Variants in ARAP1 observed in about 807,000 individuals in gnomAD.
The protein encoded by ARAP1 is arf-GAP with Rho-GAP domain, ANK repeat and PH domain-containing protein 1.
ARAP1 carries 76 observed loss-of-function variants against 172.2 expected under a neutral mutation model. That is an observed-to-expected ratio of 0.44 (90% CI 0.37 to 0.53). The LOEUF (loss-of-function observed/expected upper bound fraction) is 0.53, where lower values mean the gene tolerates loss of function less well. Ranked by LOEUF, ARAP1 falls within the 20% of genes least tolerant of loss-of-function variation. The pLI, the probability that ARAP1 is intolerant of heterozygous loss-of-function variation, is 0.00. For missense variants in ARAP1, 1,686 were observed against 1,977.5 expected, an observed-to-expected ratio of 0.85 and a Z score of 2.80; for synonymous variants, 804 against 803.3, an observed-to-expected ratio of 1.00 and a Z score of -0.01.
In ARAP1 at chr11:72,711,021, C is replaced by G. The variant is rs772062619; in HGVS notation, c.1213G>C (p.Val405Leu). ...ACACACAACACCCCACACTCCCCACCATCACTCTCTGCCCGGAAGGCAAAG... is the reference window on the plus strand; with the variant it reads ...ACACACAACACCCCACACTCCCCACGATCACTCTCTGCCCGGAAGGCAAAG... ...RTFAFRAESDVERKEWMQALQ... is the reference protein window; with the variant it reads ...RTFAFRAESDLERKEWMQALQ... Residue 405 changes from valine (V) to leucine (L), a missense_variant and splice_region_variant, in exon 9 of 35, where the codon GTG (valine) becomes CTG (leucine). Around this residue, in one of 5 missense-constraint regions of ARAP1, gnomAD observed 688 missense variants for 856.9 expected, o/e 0.80. Coordinates refer to ENST00000393609, the MANE Select transcript of ARAP1 (RefSeq NM_001040118.3). The G allele has an allele frequency of 9.9e-6, 16 of 1,614,220 alleles. No homozygotes were observed. Among genetic ancestry groups the G allele is most frequent in the Non-Finnish European group, 1.2e-5 (14 of 1,180,036 alleles).
In ARAP1 at chr11:72,711,449, C is replaced by T. The variant is rs34976830; in HGVS notation, c.1073G>A (p.Arg358Gln). Reference sequence around the variant, plus strand: ...CCTCACCTTGTTACTGTCAAAGTATCGCAGGTGATCAGTATCCAGTCTCAC... The same window carrying T: ...CCTCACCTTGTTACTGTCAAAGTATTGCAGGTGATCAGTATCCAGTCTCAC... The part of the protein sequence containing the change: ...RWVRLDTDHL[R>Q]YFDSNKDAYS... The change falls in exon 8 of 35, where the codon CGA (arginine) becomes CAA (glutamine). Residue 358 changes from arginine (R) to glutamine (Q), a missense_variant. Physicochemically the swap from Arg to Gln is conservative, Grantham distance 43. Around this residue, in one of 5 missense-constraint regions of ARAP1, gnomAD observed 688 missense variants for 856.9 expected, o/e 0.80. Transcript: ENST00000393609. The T allele has an allele frequency of 3.6e-3, 5,840 of 1,612,752 alleles. 169 individuals carry two copies. In the African/African-American group the frequency reaches 0.069, roughly 19 times the overall value.
At chr11:72,711,690 A>ATC (rs1237200051) in intron 7 of ARAP1, among the ~76,000 whole-genome samples, 191 bp from the exon 8 acceptor site, 15 of 90,004 alleles carry the variant, frequency 1.7e-4, no homozygotes, top group African/African-American at 6.7e-4. Flanking sequence ...AAAGTAGCAC[A>ATC]TCTCTTTTTT....
At position 72,726,796 on chromosome 11, in the gene ARAP1, G is replaced by C. The variant is rs1022763967; in HGVS notation, c.333C>G (p.Leu111=). The C allele has an allele frequency of 2.6e-6, 4 of 1,553,642 alleles. No homozygotes were observed. The African/African-American group carries it at 5.5e-5, about 21-fold the overall frequency. The change falls in exon 3 of 35, where the codon CTC becomes CTG. Residue 111 remains leucine (L), a synonymous_variant. Transcript: ENST00000393609. This position sits in a 1 kb window ranked among gnomAD's most constrained non-coding sequence, Gnocchi z 6.5. The part of the protein sequence containing the change: ...PLPTTTEDEG[L]PAAPPIPPRR... ...GGGGCGGGATGGGTGGGGCAGCGGG[G>C]AGCCCCTCATCCTCTGTAGTGGTGG...
chr11:72,711,318 C>A, intron 8 of ARAP1, 112 bp downstream of exon 8: 1 of 1,482,966 alleles, frequency 6.7e-7, no homozygotes, highest in South Asian at 1.2e-5. Context: ...GTTAAGGGGT[C>A]AGACTTAGAA....
chr11:72,704,468 G>T, intron 13 of ARAP1, 134 bp from the exon 14 acceptor site: 1 of 1,009,020 alleles, frequency 9.9e-7, no homozygotes, highest in Non-Finnish European at 1.4e-6. Context: ...CAATGGGGAA[G>T]GTGAGGACAG....
rs763939437 is a variant in ARAP1 at position 72,709,850 on chromosome 11, C to A, written c.1523+20G>T. 1.6e-5 allele frequency: 25 copies of A among 1,612,442 alleles called. No individual in the cohort carries two copies. In the Admixed American group the frequency reaches 2.3e-4, roughly 15 times the overall value. On this transcript the variant is annotated intron_variant, in intron 11 of 34. Coordinates refer to ENST00000393609, the MANE Select transcript of ARAP1 (RefSeq NM_001040118.3). ...AGGAAGGAGTGAGGATGCCGGTGAG[C>A]CAAGAAGATGGAGGGTCACCTGAAG...
rs763469997 is a variant in ARAP1, at chr11:72,707,231, G to A, written c.1667C>T (p.Pro556Leu). ...PNRFCADCGA[P>L]QPDWASINLC... ...GTTGATGGAGGCCCAGTCAGGCTGA[G>A]GAGCCCCGCAGTCAGCACAGAACCT... The change falls in exon 12 of 35, where the codon CCT becomes CTT. Residue 556 changes from proline to leucine, a missense_variant. Pro to Leu is a moderately conservative substitution (Grantham distance 98). Around this residue, in one of 5 missense-constraint regions of ARAP1, gnomAD observed 688 missense variants for 856.9 expected, o/e 0.80. Transcript: ENST00000393609. The A allele has an allele frequency of 1.9e-6, 3 of 1,607,972 alleles. No homozygotes were observed. The highest frequency in any genetic ancestry group is 1.7e-4 in the Middle Eastern group (1 of 5,974).
intron 1 of ARAP1, among the ~76,000 whole-genome samples, chr11:72,738,533 G>T (rs1858103908): frequency 6.6e-6 from 1 of 152,062 alleles, no homozygotes; most frequent in Non-Finnish European, 1.5e-5. Flanking sequence ...AGGAAGGCAG[G>T]CTAGGGGTCC....
intron 34 of ARAP1, 44 bp from the exon 35 acceptor site, chr11:72,685,725 GA>G: frequency 6.2e-7 from 1 of 1,613,400 alleles, no homozygotes; most frequent in Non-Finnish European, 8.5e-7. Context: ...TGAAGGCCCA[GA>G]GGGGCTGGCG....
Position 72,693,361 on chromosome 11 carries a change from G to C in ARAP1, c.3918C>G (p.Leu1306=). 2 of 1,613,944 alleles carry C rather than the reference G, an allele frequency of 1.2e-6. No homozygotes were observed. The highest frequency in any genetic ancestry group is 1.7e-6 in the Non-Finnish European group (2 of 1,179,854). Residue 1306 remains leucine, a synonymous_variant, in exon 29 of 35, where the codon CTC becomes CTG. Transcript: ENST00000393609. This position sits in a 1 kb window ranked among gnomAD's most constrained non-coding sequence, Gnocchi z 4.6. The part of the protein sequence containing the change: ...SGGFHDRYFI[L]NSSCLRLYKE... ...TGTAGAGCCGCAAGCAGCTGCTGTT[G>C]AGGATGAAGTAGCGATCGTGGAAGC...
Position 72,707,259 on chromosome 11 carries a change from T to C in ARAP1, c.1639A>G (p.Asn547Asp). The change falls in exon 12 of 35, where the codon AAC (asparagine) becomes GAC (aspartate). Residue 547 changes from asparagine (N) to aspartate (D), a missense_variant. Coordinates refer to ENST00000393609, the MANE Select transcript of ARAP1 (RefSeq NM_001040118.3). ...GCCCCGCAGTCAGCACAGAACCTGT[T>C]GGGGGCTGCAGCCCAGATGCGCTCG... ...VAERIWAAAP[N>D]RFCADCGAPQ... 1 of 1,612,988 alleles carries C rather than the reference T, an allele frequency of 6.2e-7. No individual in the cohort carries two copies. The highest frequency in any genetic ancestry group is 8.5e-7 in the Non-Finnish European group (1 of 1,179,524).
intron 3 of ARAP1, among the ~76,000 whole-genome samples, chr11:72,724,001 G>C (rs1857612054): frequency 6.6e-6 from 1 of 152,120 alleles, no homozygotes; most frequent in Non-Finnish European, 1.5e-5. Context: ...CACACTGTTG[G>C]GGTCTCCACC....
At chr11:72,736,415 G>A (rs1858027469) in intron 1 of ARAP1, among the ~76,000 whole-genome samples, 1 of 151,690 alleles carries the variant, frequency 6.6e-6, no homozygotes, top group Non-Finnish European at 1.5e-5. Context: ...GCTAATTACT[G>A]AGCTTTTTGG....
At position 72,710,418 on chromosome 11, in the gene ARAP1, G is replaced by T. The variant is rs774465190; in HGVS notation, c.1383C>A (p.Val461=). ...TCTTGTAGAGCTGCACTTTGTCCCC[G>T]ACCACGGCCACGTACAGCTTATTCT... ...GFKNKLYVAV[V]GDKVQLYKNL... Residue 461 remains valine (V), a synonymous_variant, in exon 10 of 35, where the codon GTC becomes GTA. Transcript: ENST00000393609. The surrounding 1 kb of genome is among the most constrained non-coding windows in gnomAD (Gnocchi z 4.3). 1 of 1,613,966 alleles carries T rather than the reference G, an allele frequency of 6.2e-7. No individual in the cohort carries two copies. Among genetic ancestry groups the T allele is most frequent in the South Asian group, 1.1e-5 (1 of 91,024 alleles).
In ARAP1 at chr11:72,685,576, G is replaced by A; in HGVS notation, c.*88C>T. The A allele has an allele frequency of 2.2e-5, 35 of 1,567,770 alleles. No homozygotes were observed. Among genetic ancestry groups the A allele is most frequent in the Non-Finnish European group, 3.1e-5 (35 of 1,138,556 alleles). On this transcript the variant is annotated 3_prime_UTR_variant, in exon 35 of 35. Transcript: ENST00000393609. ...TGCAGTTTCCCATGCACCCCCCGCT[G>A]GCTCACATCAGGCCTTGGAGCATAA...
intron 2 of ARAP1, among the ~76,000 whole-genome samples, chr11:72,730,688 T>C (rs1591236682): frequency 6.6e-6 from 1 of 151,936 alleles, no homozygotes; most frequent in South Asian, 2.1e-4. Context: ...GGACACTTTG[T>C]CCTCCCGCCT....
intron 2 of ARAP1, among the ~76,000 whole-genome samples, chr11:72,732,053 T>C (rs931863891): frequency 2.6e-5 from 4 of 152,188 alleles, no homozygotes; most frequent in African/African-American, 4.8e-5. Flanking sequence ...GACGGATATA[T>C]ATAAAACTGA....
At position 72,697,128 on chromosome 11, in the gene ARAP1, G is replaced by A. The variant is rs1214232548; in HGVS notation, c.3021C>T (p.Ser1007=). The A allele has an allele frequency of 1.2e-6, 2 of 1,606,540 alleles. No homozygotes were observed. The highest frequency in any genetic ancestry group is 1.7e-6 in the Non-Finnish European group (2 of 1,179,882). ...GCACAGAGCGCGCATCCTGCCGCAGGCTCTCCAGCAGCCGCTGTGTCTTCG... is the reference window on the plus strand; with the variant it reads ...GCACAGAGCGCGCATCCTGCCGCAGACTCTCCAGCAGCCGCTGTGTCTTCG... The part of the protein sequence containing the change: ...QTSKTQRLLE[S]LRQDARSVHL... Residue 1007 remains serine, a synonymous_variant, in exon 22 of 35, where the codon AGC becomes AGT. Transcript: ENST00000393609.
chr11:72,736,137 T>C (rs961380499), intron 1 of ARAP1, among the ~76,000 whole-genome samples: 2 of 152,216 alleles, frequency 1.3e-5, no homozygotes, highest in Non-Finnish European at 2.9e-5. Context: ...TCATCATGGA[T>C]TTTTGGCATT....
Sources: gnomAD v4.1 joint callset for allele counts (sites outside exome capture counted in the v4.1 genomes callset) on GRCh38, gnomAD v4.1.1 for gene constraint, gnomAD v4.1.1 regional missense constraint, Gnocchi (gnomAD v3.1) non-coding constraint, MANE v1.5 for transcripts, NCBI Gene and HGNC (gene_info 2026-07-23, HGNC 2026-07-21) for gene names.